NSUN6: variants seen among roughly 807,000 people sequenced by gnomAD.
The protein encoded by NSUN6 is NOP2/Sun RNA methyltransferase 6, also known as tRNA (cytosine(72)-C(5))-methyltransferase NSUN6.
NSUN6 carries 64 observed loss-of-function variants against 58.0 expected under a neutral mutation model. That is an observed-to-expected ratio of 1.10 (90% CI 0.90 to 1.36). The LOEUF (loss-of-function observed/expected upper bound fraction) is 1.36, where lower values mean the gene tolerates loss of function less well. Among genes scored for constraint, NSUN6 ranks in the 40% most tolerant of loss-of-function variants. The pLI is 0.00. For missense variants in NSUN6, 701 were observed against 550.1 expected, an observed-to-expected ratio of 1.27 and a Z score of -2.74; for synonymous variants, 231 against 193.9, an observed-to-expected ratio of 1.19 and a Z score of -1.59.
At chr10:18,578,319 C>T (rs111285787) in intron 8 of NSUN6, among the ~76,000 whole-genome samples, 1,790 of 150,400 alleles carry the variant, frequency 0.012, 35 homozygotes, top group African/African-American at 0.042. Context: ...CTGCAACCCC[C>T]GCCTCCTGGG....
chr10:18,620,349 A>C (rs1291864388), intron 3 of NSUN6, among the ~76,000 whole-genome samples: 1 of 152,100 alleles, frequency 6.6e-6, no homozygotes, highest in Non-Finnish European at 1.5e-5. Flanking sequence ...GGCCTCCCAA[A>C]GTGCTGGGAT....
chr10:18,563,167 T>C (rs575382426), intron 8 of NSUN6, among the ~76,000 whole-genome samples: 1 of 90,230 alleles, frequency 1.1e-5, no homozygotes, highest in Non-Finnish European at 2.1e-5. Context: ...AAATGGAGAA[T>C]GGAATGGAAT....
chr10:18,571,436 C>A (rs1056174474), intron 8 of NSUN6, among the ~76,000 whole-genome samples: 17 of 151,158 alleles, frequency 1.1e-4, no homozygotes, highest in African/African-American at 3.9e-4. Flanking sequence ...TTCTTCATTC[C>A]ATTCCAAACC....
intron 8 of NSUN6, among the ~76,000 whole-genome samples, chr10:18,570,051 T>C (rs1279798533): frequency 4.0e-5 from 6 of 151,042 alleles, no homozygotes; most frequent in Non-Finnish European, 7.4e-5. Flanking sequence ...CTCCATTCCA[T>C]TCTATTTGCA....
At chr10:18,627,579 C>A (rs1336949628) in intron 3 of NSUN6, among the ~76,000 whole-genome samples, 1 of 152,142 alleles carries the variant, frequency 6.6e-6, no homozygotes, top group African/African-American at 2.4e-5. Context: ...CAAAGCAGGG[C>A]GAGGCATTGC....
chr10:18,582,052 C>T (rs544045249), intron 8 of NSUN6, among the ~76,000 whole-genome samples: 18 of 152,158 alleles, frequency 1.2e-4, no homozygotes, highest in Admixed American at 8.5e-4. Context: ...GCGTTCTTCC[C>T]TTACCAGCCG....
intron 7 of NSUN6, among the ~76,000 whole-genome samples, chr10:18,595,183 G>A (rs1464938596): frequency 6.6e-6 from 1 of 152,138 alleles, no homozygotes; most frequent in Non-Finnish European, 1.5e-5. Flanking sequence ...GTACATGAGT[G>A]AGCCCAGCAG....
intron 8 of NSUN6, among the ~76,000 whole-genome samples, chr10:18,553,054 C>T (rs2054712102): frequency 6.6e-6 from 1 of 151,308 alleles, no homozygotes; most frequent in Admixed American, 6.6e-5. Flanking sequence ...TTCCATTTCC[C>T]AATCCATTCT....
chr10:18,601,100 T>C (rs1036912862), intron 6 of NSUN6, among the ~76,000 whole-genome samples: 1 of 150,572 alleles, frequency 6.6e-6, no homozygotes, highest in Non-Finnish European at 1.5e-5. Context: ...TAACCAGTTA[T>C]TGAATGTCAT....
At position 18,545,918 on chromosome 10, in the gene NSUN6, G is replaced by T. The variant is rs754061278; in HGVS notation, c.*15C>A. Reference sequence around the variant, plus strand: ...AAATGTTTGGAATTTTCATTTCTGAGCATCCATCCCTCTCCTATGTGCTTT... The same window carrying T: ...AAATGTTTGGAATTTTCATTTCTGATCATCCATCCCTCTCCTATGTGCTTT... On this transcript the variant is annotated 3_prime_UTR_variant, in exon 11 of 11. Transcript: ENST00000377304. The T allele has an allele frequency of 3.8e-6, 5 of 1,322,754 alleles. No individual in the cohort carries two copies. Among genetic ancestry groups the T allele is most frequent in the Non-Finnish European group, 5.3e-6 (5 of 935,966 alleles). 81.9% of individuals were successfully genotyped at this position (1,322,754 alleles called of 1,614,324 possible).
intron 6 of NSUN6, among the ~76,000 whole-genome samples, chr10:18,605,907 G>A (rs1343061971): frequency 9.2e-5 from 14 of 151,924 alleles, no homozygotes; most frequent in Non-Finnish European, 2.9e-5. Context: ...TCTCCAAAAT[G>A]GAACAATTCT....
chr10:18,558,554 G>C (rs1477960620), intron 8 of NSUN6, among the ~76,000 whole-genome samples: 1 of 150,826 alleles, frequency 6.6e-6, no homozygotes, highest in African/African-American at 2.4e-5. Context: ...GAATGCAGTA[G>C]TGAATATAAT....
upstream of NSUN6, chr10:18,658,687 A>T (rs764107242): frequency 4.7e-4 from 465 of 981,500 alleles, 5 homozygotes; most frequent in Admixed American, 5.5e-4. Context: ...CTCGTCTCCC[A>T]ATCAATTCTT....
intron 3 of NSUN6, among the ~76,000 whole-genome samples, chr10:18,628,096 C>G (rs1051368847): frequency 2.6e-5 from 4 of 152,172 alleles, no homozygotes; most frequent in African/African-American, 9.7e-5. Flanking sequence ...GGTCCCTGAC[C>G]CCTGACCCCT....
rs147853409 is a variant in NSUN6, at chr10:18,568,399, CTCCAT to C, written c.923-16433_923-16429del. 6.8e-3 allele frequency among the ~76,000 whole-genome samples: 1,001 copies of C among 147,792 alleles called. 2 individuals are homozygous for C. Among genetic ancestry groups the C allele is most frequent in the Middle Eastern group, 0.022 (6 of 270 alleles). ...CTTCCCTTCCTTTCTCCATTCCATT[CTCCAT>C]TCCATTCCATTCTCCATTTCATTCC... On this transcript the variant is annotated intron_variant, in intron 8 of 10. Coordinates refer to ENST00000377304, the MANE Select transcript of NSUN6 (RefSeq NM_182543.5).
At chr10:18,639,895 A>C (rs1053341312) in intron 3 of NSUN6, among the ~76,000 whole-genome samples, 1 of 152,254 alleles carries the variant, frequency 6.6e-6, no homozygotes, top group Non-Finnish European at 1.5e-5. Context: ...CAACTAAAAT[A>C]AGCACAGACC....
At chr10:18,630,520 A>G (rs1223431379) in intron 3 of NSUN6, among the ~76,000 whole-genome samples, 1 of 152,202 alleles carries the variant, frequency 6.6e-6, no homozygotes, top group Non-Finnish European at 1.5e-5. Context: ...AGACTAATAA[A>G]GAAAAAAAGA....
In NSUN6 at chr10:18,606,963, A is replaced by G. The variant is rs958177384; in HGVS notation, c.657+2882T>C. Among the ~76,000 whole-genome samples, 8 of 152,182 alleles carry G rather than the reference A, an allele frequency of 5.3e-5. No individual in the cohort carries two copies. In the East Asian group the frequency reaches 7.7e-4, roughly 15 times the overall value. ...TTCCATATTAGATCTAAGTTAATCA[A>G]TCCCTGAAACCAAAATGAAAACTGC... On this transcript the variant is annotated intron_variant, in intron 6 of 10. Transcript: ENST00000377304.
Position 18,651,362 on chromosome 10 carries a change from C to T in NSUN6, c.-159G>A. 1 of 1,356,000 alleles carries T rather than the reference C, an allele frequency of 7.4e-7. No individual in the cohort carries two copies. Among genetic ancestry groups the T allele is most frequent in the Non-Finnish European group, 9.4e-7 (1 of 1,060,264 alleles). 84.0% of individuals were successfully genotyped at this position (1,356,000 alleles called of 1,614,324 possible). A position where few individuals can be genotyped will look rare whatever the true frequency, so the allele number is the denominator to read the frequency against. The stretch of plus-strand genomic sequence containing the variant: ...TTAATTTCGGAAATGCAGAGGTACA[C>T]GCTTTCTCAAGCCTAGCCGATTAGA... On this transcript the variant is annotated 5_prime_UTR_variant, in exon 1 of 11. It adds an upstream start codon to the 5' untranslated region. Transcript: ENST00000377304.
Sources: gnomAD v4.1 joint callset for allele counts (sites outside exome capture counted in the v4.1 genomes callset) on GRCh38, gnomAD v4.1.1 for gene constraint, MANE v1.5 for transcripts, NCBI Gene and HGNC (gene_info 2026-07-23, HGNC 2026-07-21) for gene names.